The following PSD3 variants were observed in gnomAD, a reference collection of about 807,000 sequenced individuals.
PSD3 encodes pleckstrin and Sec7 domain containing 3, also known as PH and SEC7 domain-containing protein 3.
Under a neutral mutation model 105.5 loss-of-function variants are expected in PSD3, and 49 were observed. The ratio of observed to expected loss-of-function variants is 0.46; its 90% CI spans 0.37 to 0.59. The LOEUF (loss-of-function observed/expected upper bound fraction) is 0.59, where lower values mean the gene tolerates loss of function less well. Among genes scored for constraint, PSD3 ranks in the 20% least tolerant of loss-of-function variants. PSD3 has a pLI of 0.00. For synonymous variants in PSD3, 557 were observed against 457.8 expected (o/e 1.22, Z -2.77); for missense variants, 1,561 against 1,263.8 (o/e 1.24, Z -3.57).
At chr8:18,758,751 A>G (rs1585864276) in intron 9 of PSD3, among the ~76,000 whole-genome samples, 1 of 152,076 alleles carries the variant, frequency 6.6e-6, no homozygotes, top group Non-Finnish European at 1.5e-5. Flanking sequence ...TTCACAAATT[A>G]TTTTTCCTTA....
At chr8:18,588,423 G>C (rs983132165) in intron 12 of PSD3, among the ~76,000 whole-genome samples, 1 of 152,182 alleles carries the variant, frequency 6.6e-6, no homozygotes, top group Non-Finnish European at 1.5e-5. Flanking sequence ...GCATTAAGAA[G>C]AGAGTGGAGA....
At chr8:18,540,698 C>G (rs990109340) in intron 15 of PSD3, among the ~76,000 whole-genome samples, 17 of 152,142 alleles carry the variant, frequency 1.1e-4, no homozygotes, top group Admixed American at 2.0e-4. Flanking sequence ...CCTCCTTGCC[C>G]TCCACGTGCA....
chr8:18,611,882 T>C (rs1480488927), intron 11 of PSD3, among the ~76,000 whole-genome samples: 1 of 152,200 alleles, frequency 6.6e-6, no homozygotes, highest in Admixed American at 6.5e-5. Context: ...TTGTAAAATG[T>C]TGCAAATGAC....
chr8:19,031,771 G>A (rs1827781129), intron 1 of PSD3, among the ~76,000 whole-genome samples: 1 of 152,020 alleles, frequency 6.6e-6, no homozygotes, highest in South Asian at 2.1e-4. Context: ...AATAGGGGCA[G>A]AAAAATAAAC....
intron 9 of PSD3, chr8:18,733,062 C>A (rs987373919): frequency 2.0e-5 from 3 of 152,056 alleles, no homozygotes; most frequent in African/African-American, 7.2e-5. Flanking sequence ...GCGTTGGTTA[C>A]AACATCTTAT....
At chr8:18,848,220 G>A (rs989881213) in intron 4 of PSD3, among the ~76,000 whole-genome samples, 2 of 152,148 alleles carry the variant, frequency 1.3e-5, no homozygotes, top group East Asian at 3.9e-4. Context: ...CCATGTTGGT[G>A]TACAGTTACA....
chr8:19,052,196 G>A (rs574350004), intron 1 of PSD3, among the ~76,000 whole-genome samples: 11 of 152,262 alleles, frequency 7.2e-5, no homozygotes, highest in South Asian at 2.1e-4. Flanking sequence ...AAAAGTGGCC[G>A]GGCACGGTGG....
chr8:18,656,689 T>A (rs1433170843), intron 9 of PSD3, among the ~76,000 whole-genome samples: 1 of 152,124 alleles, frequency 6.6e-6, no homozygotes, highest in Non-Finnish European at 1.5e-5. Flanking sequence ...GTAGTCAGCT[T>A]GTTCCACTAT....
intron 11 of PSD3, among the ~76,000 whole-genome samples, chr8:18,626,519 G>A (rs1806491144): frequency 6.6e-6 from 1 of 152,048 alleles, no homozygotes; most frequent in Non-Finnish European, 1.5e-5. Flanking sequence ...ACAGCATTCA[G>A]GATTCTCAGA....
At chr8:18,569,057 T>C (rs1585264419) in intron 14 of PSD3, among the ~76,000 whole-genome samples, 1 of 132,090 alleles carries the variant, frequency 7.6e-6, no homozygotes, top group Admixed American at 8.5e-5. Context: ...TATGGCTGCG[T>C]AGTATTCCAT....
At chr8:18,629,410 C>T (rs866825856) in intron 11 of PSD3, among the ~76,000 whole-genome samples, 46 of 151,994 alleles carry the variant, frequency 3.0e-4, no homozygotes, top group African/African-American at 1.0e-3. Flanking sequence ...ATGTGAATGT[C>T]CATAGGGGCT....
intron 4 of PSD3, among the ~76,000 whole-genome samples, chr8:18,839,445 G>C (rs557453720): frequency 1.3e-5 from 2 of 152,058 alleles, no homozygotes; most frequent in Non-Finnish European, 2.9e-5. Context: ...CATCTCTTGC[G>C]ACATGAGAAC....
chr8:18,948,116 T>C (rs1822982092), intron 1 of PSD3, among the ~76,000 whole-genome samples: 2 of 152,108 alleles, frequency 1.3e-5, no homozygotes. Flanking sequence ...CAGCAAACAA[T>C]AAACCTAGTG....
chr8:18,937,783 G>A (rs1310116868), intron 1 of PSD3, among the ~76,000 whole-genome samples: 1 of 152,158 alleles, frequency 6.6e-6, no homozygotes, highest in Non-Finnish European at 1.5e-5. Context: ...AGAGGAACTC[G>A]GCCAAGGGGC....
At chr8:19,012,686 T>A (rs1827009144) in intron 1 of PSD3, among the ~76,000 whole-genome samples, 1 of 152,226 alleles carries the variant, frequency 6.6e-6, no homozygotes, top group Admixed American at 6.5e-5. Flanking sequence ...TACCGGGCTT[T>A]GCAAAATCCT....
intron 11 of PSD3, among the ~76,000 whole-genome samples, chr8:18,614,065 G>A (rs116467154): frequency 0.079 from 12,006 of 152,128 alleles, 569 homozygotes; most frequent in South Asian, 0.14. Context: ...CCCAATAAAT[G>A]TCTTGTCTTA....
intron 6 of PSD3, chr8:18,803,395 G>GTGTGTA (rs1260981767): frequency 1.3e-5 from 2 of 149,374 alleles, no homozygotes; most frequent in African/African-American, 5.0e-5. Flanking sequence ...TAAACTGTGT[G>GTGTGTA]TGTGTGTGTG....
At chr8:18,734,879 T>C (rs1327071908) in intron 9 of PSD3, among the ~76,000 whole-genome samples, 1 of 152,198 alleles carries the variant, frequency 6.6e-6, no homozygotes, top group Admixed American at 6.5e-5. Flanking sequence ...AGAACAGCAA[T>C]ACCATTACAA....
At chr8:18,609,857 T>C (rs570489376) in intron 11 of PSD3, among the ~76,000 whole-genome samples, 7 of 152,346 alleles carry the variant, frequency 4.6e-5, no homozygotes, top group South Asian at 2.1e-4. Flanking sequence ...TCTTAATTAA[T>C]AGAGCAGCTC....
Sources: gnomAD v4.1 joint callset for allele counts (sites outside exome capture counted in the v4.1 genomes callset) on GRCh38, gnomAD v4.1.1 for gene constraint, MANE v1.5 for transcripts, NCBI Gene and HGNC (gene_info 2026-07-23, HGNC 2026-07-21) for gene names.